The following MZT2A variants were observed in gnomAD, a reference collection of about 807,000 sequenced individuals.
MZT2A encodes mitotic-spindle organizing protein 2A.
MZT2A carries 8 observed loss-of-function variants against 12.4 expected under a neutral mutation model. The ratio of observed to expected loss-of-function variants is 0.64; its 90% CI spans 0.38 to 1.16. The LOEUF (loss-of-function observed/expected upper bound fraction) is 1.16, where lower values mean the gene tolerates loss of function less well. MZT2A is among the 50% of genes most tolerant of loss of function. MZT2A has a pLI of 0.01. For synonymous variants in MZT2A, 88 were observed against 107.5 expected (o/e 0.82, Z 1.12); for missense variants, 181 against 223.6 (o/e 0.81, Z 1.22).
downstream of MZT2A, among the ~76,000 whole-genome samples, chr2:131,481,521 C>T (rs184271728): frequency 8.6e-5 from 13 of 151,562 alleles, no homozygotes; most frequent in Admixed American, 6.6e-5. Flanking sequence ...CTGCAACCTC[C>T]ACCTCCCGGG....
chr2:131,480,764 T>G (rs561098265), downstream of MZT2A: 1 of 1,602,074 alleles, frequency 6.2e-7, no homozygotes, highest in South Asian at 1.1e-5. Flanking sequence ...GACTGGGTGA[T>G]GTGGAGGCCT....
At chr2:131,471,476 A>G (rs1704985031) in intron 3 of MZT2A, among the ~76,000 whole-genome samples, 1 of 146,734 alleles carries the variant, frequency 6.8e-6, no homozygotes, top group Non-Finnish European at 1.5e-5. Context: ...GAAAAGAAAA[A>G]AGAACCTAAT....
chr2:131,485,036 T>G (rs57849015), intron 2 of MZT2A, among the ~76,000 whole-genome samples: 5 of 152,342 alleles, frequency 3.3e-5, no homozygotes, highest in African/African-American at 1.2e-4. Flanking sequence ...TCGGCAAGAC[T>G]GAGAGGACCC....
intron 2 of MZT2A, chr2:131,478,136 G>A (rs766494367): frequency 1.3e-6 from 2 of 1,598,430 alleles, no homozygotes; most frequent in Non-Finnish European, 1.7e-6. Flanking sequence ...TGAAATGAAT[G>A]GGTTCACTTT....
rs780567843 is a variant in MZT2A, at chr2:131,492,018, C to T, written c.177G>A (p.Leu59=). 2.0e-6 allele frequency: 3 copies of T among 1,529,958 alleles called. No individual in the cohort carries two copies. Among genetic ancestry groups the T allele is most frequent in the East Asian group, 4.9e-5 (2 of 41,096 alleles). The allele number at this position is 1,529,958 out of a possible 1,614,324, so 94.8% of individuals were successfully genotyped here. Reference sequence around the variant, plus strand: ...CCACGTTCAGCTTCAGCAGGTCCACCAGGATCCTGGCGGGGACAGACGCGG... The same window carrying T: ...CCACGTTCAGCTTCAGCAGGTCCACTAGGATCCTGGCGGGGACAGACGCGG... ...GGIDPDVFKI[L]VDLLKLNVAP... is the part of the protein sequence containing the mutation. The change falls in exon 2 of 3, where the codon CTG becomes CTA. Residue 59 remains leucine, a synonymous_variant. Coordinates refer to ENST00000309451, the MANE Select transcript of MZT2A (RefSeq NM_001085365.2).
chr2:131,476,234 G>A, intron 2 of MZT2A: 1 of 1,613,856 alleles, frequency 6.2e-7, no homozygotes, highest in South Asian at 1.1e-5. Context: ...CCCCGCAGAT[G>A]CCCAGGCAGA....
intron 2 of MZT2A, chr2:131,476,334 C>G: frequency 6.7e-7 from 1 of 1,484,670 alleles, no homozygotes; most frequent in South Asian, 1.3e-5. Flanking sequence ...TAGTGCGGGA[C>G]AGGAGGACAC....
intron 3 of MZT2A, chr2:131,472,056 C>T (rs778894986): frequency 1.1e-5 from 14 of 1,289,100 alleles, no homozygotes; most frequent in African/African-American, 4.6e-5. Context: ...CACCCAGAAC[C>T]GAACTGCCTA....
chr2:131,492,813 T>A (rs1679401137), upstream of MZT2A: 39 of 1,432,120 alleles, frequency 2.7e-5, no homozygotes, highest in Non-Finnish European at 3.5e-5. Flanking sequence ...TCAACAACCC[T>A]GCTTACGCGC....
At chr2:131,472,354 C>A (rs1705005919) in intron 2 of MZT2A, among the ~76,000 whole-genome samples, 1 of 152,150 alleles carries the variant, frequency 6.6e-6, no homozygotes, top group Non-Finnish European at 1.5e-5. Flanking sequence ...GCCAGAAACA[C>A]TGTTTACTAC....
chr2:131,483,941 A>AC (rs1678945625), downstream of MZT2A: 15 of 1,441,650 alleles, frequency 1.0e-5, no homozygotes, highest in African/African-American at 4.4e-5. Context: ...AAAAAAAAAA[A>AC]AAAACAGTAG....
chr2:131,480,835 G>A, downstream of MZT2A: 2 of 1,537,302 alleles, frequency 1.3e-6, no homozygotes, highest in East Asian at 2.3e-5. Context: ...CCTTTGGGGA[G>A]ATTATCCCTG....
chr2:131,492,265 T>C lies in MZT2A; in HGVS notation c.112A>G (p.Met38Val). ...GCCTGAGCCAGCTCGTACAGCTCCA[T>C]CTCCTCGGTGCTCAGCACCTTCTTG... The part of the protein sequence containing the change: ...RRKKVLSTEE[M>V]ELYELAQAAG... Residue 38 changes from methionine (M) to valine (V), a missense_variant, in exon 1 of 3, where the codon ATG (methionine) becomes GTG (valine). Coordinates refer to ENST00000309451, the MANE Select transcript of MZT2A (RefSeq NM_001085365.2). The C allele has an allele frequency of 3.8e-6, 6 of 1,582,186 alleles. No homozygotes were observed. The highest frequency in any genetic ancestry group is 5.1e-6 in the Non-Finnish European group (6 of 1,171,548).
In MZT2A at chr2:131,484,035, A is replaced by C. The variant is rs1678952631; in HGVS notation, c.*26T>G. ...TAACATGTAGCCTTTGCTGGGGACA[A>C]AGATGTGACAAGTCTCTGCCCCATC... On this transcript the variant is annotated 3_prime_UTR_variant, in exon 3 of 3. Coordinates refer to ENST00000309451, the MANE Select transcript of MZT2A (RefSeq NM_001085365.2). 6 of 1,583,608 alleles carry C rather than the reference A, an allele frequency of 3.8e-6. No homozygotes were observed. Among genetic ancestry groups the C allele is most frequent in the Non-Finnish European group, 5.2e-6 (6 of 1,159,672 alleles).
downstream of MZT2A, among the ~76,000 whole-genome samples, chr2:131,481,210 T>C (rs753119083): frequency 1.3e-5 from 2 of 152,028 alleles, no homozygotes; most frequent in Non-Finnish European, 2.9e-5. Context: ...AGCTCAGTGA[T>C]GTCTTTTGAA....
chr2:131,471,687 G>A (rs1436024418), intron 3 of MZT2A, among the ~76,000 whole-genome samples: 1 of 150,538 alleles, frequency 6.6e-6, no homozygotes, highest in East Asian at 1.9e-4. Context: ...GGTGTCAGGC[G>A]CAGCGTGTCA....
At chr2:131,492,801 AATC>A, upstream of MZT2A, 2 of 1,399,062 alleles carry the variant, frequency 1.4e-6, no homozygotes, top group Non-Finnish European at 1.9e-6. Flanking sequence ...GGGGGGCACT[AATC>A]AACAACCCTG....
intron 2 of MZT2A, among the ~76,000 whole-genome samples, chr2:131,472,566 A>G (rs1310187939): frequency 1.3e-5 from 2 of 152,220 alleles, no homozygotes; most frequent in Admixed American, 1.3e-4. Flanking sequence ...AACAGACAGC[A>G]TATATATAAC....
At position 131,492,257 on chromosome 2, in the gene MZT2A, C is replaced by T. The variant is rs1186459687; in HGVS notation, c.120G>A (p.Leu40=). The T allele has an allele frequency of 6.9e-6, 11 of 1,585,316 alleles. No homozygotes were observed. In the Admixed American group the frequency reaches 1.2e-4, roughly 17 times the overall value. Residue 40 remains leucine, a synonymous_variant, in exon 1 of 3, where the codon CTG becomes CTA. Coordinates refer to ENST00000309451, the MANE Select transcript of MZT2A (RefSeq NM_001085365.2). ...CGCCCGCCGCCTGAGCCAGCTCGTACAGCTCCATCTCCTCGGTGCTCAGCA... is the reference window on the plus strand; with the variant it reads ...CGCCCGCCGCCTGAGCCAGCTCGTATAGCTCCATCTCCTCGGTGCTCAGCA... ...KKVLSTEEME[L]YELAQAAGGG...
Sources: gnomAD v4.1 joint callset for allele counts (sites outside exome capture counted in the v4.1 genomes callset) on GRCh38, gnomAD v4.1.1 for gene constraint, MANE v1.5 for transcripts, NCBI Gene and HGNC (gene_info 2026-07-23, HGNC 2026-07-21) for gene names.